Variants in ZNF407 observed in about 807,000 individuals in gnomAD.
ZNF407 encodes the protein zinc finger protein 407.
A neutral mutation model predicts 131.2 loss-of-function variants in ZNF407; 17 were observed. The observed-to-expected ratio is 0.13, with a 90% CI of 0.09 to 0.19. The LOEUF is 0.19. ZNF407 is among the 10% of genes least tolerant of loss of function. The pLI, the probability that ZNF407 is intolerant of heterozygous loss-of-function variation, is 1.00. For missense variants in ZNF407, 2,681 were observed against 2,830.6 expected (o/e 0.95, Z 1.20); for synonymous variants, 1,156 against 1,062.0 (o/e 1.09, Z -1.72).
chr18:74,918,915 C>G (rs1971809688), intron 7 of ZNF407, among the ~76,000 whole-genome samples: 1 of 152,104 alleles, frequency 6.6e-6, no homozygotes, highest in African/African-American at 2.4e-5. Flanking sequence ...TTTAGTTGTA[C>G]ATGTGCATTT....
intron 8 of ZNF407, among the ~76,000 whole-genome samples, chr18:75,017,004 C>G (rs180849882): frequency 1.3e-5 from 2 of 152,002 alleles, no homozygotes; most frequent in Non-Finnish European, 2.9e-5. Flanking sequence ...AAACAGGACT[C>G]GAGTGTAAGC....
chr18:74,885,128 A>T (rs1971290203), intron 6 of ZNF407, among the ~76,000 whole-genome samples: 1 of 152,166 alleles, frequency 6.6e-6, no homozygotes, highest in Admixed American at 6.5e-5. Flanking sequence ...TATAAGATTT[A>T]TACTACCTAC....
At chr18:74,675,672 T>A (rs961044181) in intron 3 of ZNF407, among the ~76,000 whole-genome samples, 1 of 152,224 alleles carries the variant, frequency 6.6e-6, no homozygotes, top group African/African-American at 2.4e-5. Context: ...TGTTACGCTG[T>A]TAGCTTTGAA....
At chr18:74,917,580 G>A (rs1381489895) in intron 7 of ZNF407, among the ~76,000 whole-genome samples, 1 of 151,944 alleles carries the variant, frequency 6.6e-6, no homozygotes. Context: ...AATAGTCCCC[G>A]GTTGTTAGAT....
chr18:74,760,123 T>A (rs1252011247), intron 3 of ZNF407, among the ~76,000 whole-genome samples: 1 of 152,182 alleles, frequency 6.6e-6, no homozygotes, highest in Non-Finnish European at 1.5e-5. Context: ...TGAATGTATT[T>A]TGTAACGTCT....
intron 4 of ZNF407, among the ~76,000 whole-genome samples, chr18:74,791,312 A>C (rs1318900686): frequency 6.6e-6 from 1 of 152,230 alleles, no homozygotes; most frequent in Non-Finnish European, 1.5e-5. Context: ...GAGTCAAACT[A>C]ATTTTATATA....
At chr18:74,705,405 T>C (rs950251799) in intron 3 of ZNF407, among the ~76,000 whole-genome samples, 2 of 152,178 alleles carry the variant, frequency 1.3e-5, no homozygotes, top group African/African-American at 4.8e-5. Flanking sequence ...TTGATGAAAA[T>C]GCTGAATTGT....
intron 3 of ZNF407, among the ~76,000 whole-genome samples, chr18:74,760,283 A>C (rs945266853): frequency 2.0e-5 from 3 of 151,804 alleles, no homozygotes; most frequent in African/African-American, 7.3e-5. Flanking sequence ...GCAGTTATCA[A>C]CTCTACCTTT....
chr18:74,885,182 G>T (rs1390384249), intron 6 of ZNF407, among the ~76,000 whole-genome samples: 1 of 151,966 alleles, frequency 6.6e-6, no homozygotes, highest in Non-Finnish European at 1.5e-5. Context: ...TAGTATCTTG[G>T]GGGTATAATG....
chr18:74,918,345 G>C (rs1317611358), intron 7 of ZNF407, among the ~76,000 whole-genome samples: 3 of 152,226 alleles, frequency 2.0e-5, no homozygotes, highest in Non-Finnish European at 4.4e-5. Context: ...CATACAGCCT[G>C]TGTAGCCAGC....
At chr18:74,793,050 G>C (rs1969855130) in intron 4 of ZNF407, among the ~76,000 whole-genome samples, 1 of 152,210 alleles carries the variant, frequency 6.6e-6, no homozygotes, top group Non-Finnish European at 1.5e-5. Flanking sequence ...TTTCTGTAAA[G>C]TATTTTGAGT....
At chr18:74,858,912 T>A (rs1970897653) in intron 4 of ZNF407, among the ~76,000 whole-genome samples, 1 of 152,032 alleles carries the variant, frequency 6.6e-6, no homozygotes, top group African/African-American at 2.4e-5. Context: ...TTTTGCCCTT[T>A]TTTTTTTGTC....
intron 8 of ZNF407, among the ~76,000 whole-genome samples, chr18:74,957,398 TTA>T (rs1972288690): frequency 6.6e-6 from 1 of 152,036 alleles, no homozygotes; most frequent in African/African-American, 2.4e-5. Flanking sequence ...TTACGTTAAC[TTA>T]CGGGGTTTTT....
chr18:74,941,522 C>T (rs1340329707), intron 8 of ZNF407, among the ~76,000 whole-genome samples: 4 of 152,152 alleles, frequency 2.6e-5, no homozygotes, highest in African/African-American at 7.2e-5. Flanking sequence ...AAAACACATA[C>T]ACAACACATA....
intron 1 of ZNF407, among the ~76,000 whole-genome samples, chr18:74,621,670 C>G (rs1460259838): frequency 6.6e-6 from 1 of 152,174 alleles, no homozygotes; most frequent in Non-Finnish European, 1.5e-5. Flanking sequence ...CTTAGAACTT[C>G]GTCTCCAGCA....
chr18:74,963,510 T>A (rs1020571439), intron 8 of ZNF407, among the ~76,000 whole-genome samples: 1 of 152,210 alleles, frequency 6.6e-6, no homozygotes, highest in African/African-American at 2.4e-5. Context: ...GATTTTTTTT[T>A]AATCCATGTT....
At chr18:74,884,031 G>A (rs546814684) in intron 6 of ZNF407, among the ~76,000 whole-genome samples, 2 of 152,212 alleles carry the variant, frequency 1.3e-5, no homozygotes, top group South Asian at 2.1e-4. Context: ...TTATGCATCC[G>A]TTTGCCTTTA....
chr18:75,063,742 G>A lies in ZNF407; in HGVS notation c.6021G>A (p.Gly2007=), dbSNP rs752228542. The change falls in exon 9 of 9, where the codon GGG becomes GGA. Residue 2007 remains glycine, a synonymous_variant. Transcript: ENST00000299687. The surrounding 1 kb of genome is among the most constrained non-coding windows in gnomAD (Gnocchi z 6.6). ...TELGEVEGRA[G]LEEQGRPGAK... The stretch of plus-strand genomic sequence containing the variant: ...TAGGGGAGGTGGAGGGCAGGGCTGG[G>A]CTCGAGGAGCAAGGCAGGCCCGGCG... The A allele has an allele frequency of 2.5e-6, 4 of 1,611,970 alleles. No homozygotes were observed. The highest frequency in any genetic ancestry group is 3.4e-6 in the Non-Finnish European group (4 of 1,179,790).
intron 3 of ZNF407, among the ~76,000 whole-genome samples, chr18:74,652,401 TTAAAC>T (rs1985267721): frequency 6.6e-6 from 1 of 152,080 alleles, no homozygotes; most frequent in African/African-American, 2.4e-5. Context: ...CTTTTCCTGT[TTAAAC>T]TAAATATAAA....
Sources: allele counts gnomAD v4.1 joint callset (sites outside exome capture counted in the v4.1 genomes callset), GRCh38; gene constraint gnomAD v4.1.1; non-coding constraint Gnocchi (gnomAD v3.1); transcripts MANE v1.5; gene names NCBI Gene and HGNC (gene_info 2026-07-23, HGNC 2026-07-21).